NOX3: variants seen among roughly 807,000 people sequenced by gnomAD.
The protein encoded by NOX3 is NADPH oxidase 3, also known as NADPH oxidase catalytic subunit-like 3.
NOX3 carries 74 observed loss-of-function variants against 76.7 expected under a neutral mutation model. The ratio of observed to expected loss-of-function variants is 0.96; its 90% confidence interval spans 0.80 to 1.17. NOX3 has a LOEUF of 1.17. NOX3 is among the 50% of genes most tolerant of loss of function. NOX3 has a pLI of 0.00. For missense variants in NOX3, 695 were observed against 703.3 expected, an observed-to-expected ratio of 0.99 and a Z score of 0.13; for synonymous variants, 263 against 261.1, an observed-to-expected ratio of 1.01 and a Z score of -0.07.
intron 12 of NOX3, among the ~76,000 whole-genome samples, chr6:155,402,214 A>G (rs1485630952): frequency 1.3e-5 from 2 of 152,214 alleles, no homozygotes; most frequent in Admixed American, 6.5e-5. Flanking sequence ...TAAGACATAG[A>G]TGGCAATGAA....
chr6:155,422,374 C>G (rs1776700948), intron 10 of NOX3, among the ~76,000 whole-genome samples: 1 of 152,116 alleles, frequency 6.6e-6, no homozygotes, highest in Non-Finnish European at 1.5e-5. Flanking sequence ...GGAGAGGTTG[C>G]CTCTTAATAT....
At chr6:155,417,178 G>A (rs891045058) in intron 10 of NOX3, among the ~76,000 whole-genome samples, 2 of 152,120 alleles carry the variant, frequency 1.3e-5, no homozygotes, top group African/African-American at 4.8e-5. Context: ...CCGAAGTTAT[G>A]CTTTAATGAA....
At position 155,405,962 on chromosome 6, in the gene NOX3, C is replaced by T. The variant is rs558369772; in HGVS notation, c.1580+1168G>A. On this transcript the variant is annotated intron_variant, in intron 12 of 13. Transcript: ENST00000159060. ...ACTCGCAGCTGTCTTTGTTACCTCT[C>T]CTACAGCATGGCTCTTGCTGCTCTC... Among the ~76,000 whole-genome samples the T allele has an allele frequency of 5.3e-5, 8 of 152,314 alleles. No individual in the cohort carries two copies. In the South Asian group the frequency reaches 1.7e-3, roughly 32 times the overall value.
Position 155,439,974 on chromosome 6 carries a change from A to G in NOX3, c.650T>C (p.Leu217Pro), listed in dbSNP as rs1182356002. 2 of 1,613,782 alleles carry G rather than the reference A, an allele frequency of 1.2e-6. No homozygotes were observed. Among genetic ancestry groups the G allele is most frequent in the Admixed American group, 1.7e-5 (1 of 59,946 alleles). ...GACTTACCCCGTCCCATGGATGGCC[A>G]GGCTGAGAAAGAAGACGATGAAAAC... is the stretch of plus-strand genomic sequence containing the variant. ...HHVFIVFFLS[L>P]AIHGTGRIVR... Residue 217 changes from leucine (L) to proline (P), a missense_variant, in exon 6 of 14, where the codon CTG (leucine) becomes CCG (proline). By Grantham distance (98) the Leu-to-Pro change is moderately conservative. Coordinates refer to ENST00000159060, the MANE Select transcript of NOX3 (RefSeq NM_015718.3).
chr6:155,416,111 GC>G (rs543744483), intron 10 of NOX3, among the ~76,000 whole-genome samples: 6 of 152,208 alleles, frequency 3.9e-5, no homozygotes, highest in Non-Finnish European at 8.8e-5. Flanking sequence ...TTTACAGGGA[GC>G]CAGGGGCCCA....
At chr6:155,429,129 AT>A in intron 8 of NOX3, 82 bp from the exon 9 acceptor site, 1 of 1,332,046 alleles carries the variant, frequency 7.5e-7, no homozygotes. Context: ...GGTGTTGAAA[AT>A]TTTAGATCAG....
chr6:155,401,418 T>C (rs1281909297), intron 12 of NOX3, among the ~76,000 whole-genome samples: 1 of 152,230 alleles, frequency 6.6e-6, no homozygotes, highest in Non-Finnish European at 1.5e-5. Flanking sequence ...TTTAGTCACA[T>C]AATGAATGTT....
chr6:155,424,871 A>G (rs905330466), intron 9 of NOX3, among the ~76,000 whole-genome samples: 1 of 152,214 alleles, frequency 6.6e-6, no homozygotes, highest in Admixed American at 6.5e-5. Context: ...AATTTATTTG[A>G]CACTGATTTA....
chr6:155,396,114 A>G lies in NOX3; in HGVS notation c.*28-540T>C, dbSNP rs543104270. 7.2e-5 allele frequency among the ~76,000 whole-genome samples: 11 copies of G among 152,308 alleles called. 1 individual carries two copies. In the East Asian group the frequency reaches 2.1e-3, roughly 29 times the overall value. ...TGAAAAAGAGTAACAAGATGATGGA[A>G]GGGCTTGAATATATATCCTAGGCCA... On this transcript the variant is annotated intron_variant, in intron 13 of 13. Coordinates refer to ENST00000159060, the MANE Select transcript of NOX3 (RefSeq NM_015718.3).
chr6:155,420,730 T>C (rs911162006), intron 10 of NOX3, among the ~76,000 whole-genome samples: 6 of 152,300 alleles, frequency 3.9e-5, no homozygotes, highest in South Asian at 4.1e-4. Context: ...ATGATAAGTA[T>C]GACGAAAAGA....
chr6:155,419,616 A>C (rs1348468895), intron 10 of NOX3, among the ~76,000 whole-genome samples: 1 of 151,618 alleles, frequency 6.6e-6, no homozygotes, highest in Admixed American at 6.6e-5. Context: ...TATATTTTTT[A>C]CTCTACTGTT....
At chr6:155,434,141 C>G (rs1239106338) in intron 7 of NOX3, among the ~76,000 whole-genome samples, 3 of 152,116 alleles carry the variant, frequency 2.0e-5, no homozygotes, top group African/African-American at 2.4e-5. Context: ...GGGGCAGGTC[C>G]CACGTGTCTG....
intron 9 of NOX3, among the ~76,000 whole-genome samples, chr6:155,426,121 T>C (rs943605071): frequency 6.6e-5 from 10 of 152,338 alleles, no homozygotes; most frequent in African/African-American, 2.4e-4. Flanking sequence ...CTTTGTATGT[T>C]GAAGATTTAA....
chr6:155,407,324 A>G (rs1371754445), intron 11 of NOX3, 70 bp from the exon 12 acceptor site: 40 of 1,377,636 alleles, frequency 2.9e-5, no homozygotes, highest in Middle Eastern at 1.9e-4. Flanking sequence ...TAAAGAATAA[A>G]GTAATCATGT....
Position 155,453,276 on chromosome 6 carries a change from A to G in NOX3, c.340+128T>C, listed in dbSNP as rs1582950854. 18 of 736,176 alleles carry G rather than the reference A, an allele frequency of 2.4e-5. No homozygotes were observed. The East Asian group carries it at 4.4e-4, about 18-fold the overall frequency. 45.6% of individuals were successfully genotyped at this position (736,176 alleles called of 1,614,324 possible). A position where few individuals can be genotyped will look rare whatever the true frequency, so the allele number is the denominator to read the frequency against. ...AAAAACCCATTTGTGTAAGGTTTAC[A>G]GGGTCAGATAAAGGGCAAAGTTTTC... On this transcript the variant is annotated intron_variant, in intron 4 of 13. Transcript: ENST00000159060.
At chr6:155,408,529 C>T (rs1776494384) in intron 11 of NOX3, among the ~76,000 whole-genome samples, 1 of 152,070 alleles carries the variant, frequency 6.6e-6, no homozygotes, top group Admixed American at 6.5e-5. Context: ...GACCTTCTCT[C>T]CAGTCTAAAA....
intron 8 of NOX3, among the ~76,000 whole-genome samples, chr6:155,429,955 G>T (rs2114695190): frequency 6.6e-6 from 1 of 152,280 alleles, no homozygotes; most frequent in South Asian, 2.1e-4. Context: ...AAGTTTTACA[G>T]TCTAGCTTTT....
chr6:155,427,322 C>T (rs1291705797), intron 9 of NOX3, among the ~76,000 whole-genome samples: 1 of 151,982 alleles, frequency 6.6e-6, no homozygotes, highest in African/African-American at 2.4e-5. Context: ...GCTCAGTAGC[C>T]TACGAAAACA....
chr6:155,436,875 A>T (rs909693457), intron 6 of NOX3, among the ~76,000 whole-genome samples: 2 of 152,198 alleles, frequency 1.3e-5, no homozygotes, highest in African/African-American at 2.4e-5. Context: ...ATTAGGTTTC[A>T]TCTTGTTCTG....
Sources: allele counts gnomAD v4.1 joint callset (sites outside exome capture counted in the v4.1 genomes callset), GRCh38; gene constraint gnomAD v4.1.1; transcripts MANE v1.5; gene names NCBI Gene and HGNC (gene_info 2026-07-23, HGNC 2026-07-21).